Variants in LRRN1 observed in about 807,000 individuals in gnomAD.
LRRN1 encodes leucine rich repeat neuronal 1, also known as leucine-rich repeat neuronal protein 1.
LRRN1 carries 14 observed loss-of-function variants against 45.8 expected under a neutral mutation model. That is an observed-to-expected ratio of 0.31 (90% confidence interval 0.20 to 0.48). The LOEUF is 0.48. Ranked by LOEUF, LRRN1 falls within the 20% of genes least tolerant of loss-of-function variation. The pLI is 0.99. For missense variants in LRRN1, 789 were observed against 874.2 expected (o/e 0.90, Z 1.23); for synonymous variants, 359 against 330.1 (o/e 1.09, Z -0.95).
At chr3:3,834,987 G>C (rs575425276) in intron 1 of LRRN1, among the ~76,000 whole-genome samples, 64 of 152,118 alleles carry the variant, frequency 4.2e-4, no homozygotes, top group Non-Finnish European at 8.1e-4. Context: ...TTGACACTGG[G>C]TATTAACCAT....
intron 1 of LRRN1, among the ~76,000 whole-genome samples, chr3:3,841,763 C>T (rs906062222): frequency 1.3e-5 from 2 of 152,158 alleles, no homozygotes; most frequent in African/African-American, 4.8e-5. Context: ...ATGATCTGCC[C>T]CCTGCCAGCC....
At chr3:3,821,049 T>G (rs1693092226) in intron 1 of LRRN1, among the ~76,000 whole-genome samples, 1 of 152,132 alleles carries the variant, frequency 6.6e-6, no homozygotes, top group Non-Finnish European at 1.5e-5. Flanking sequence ...TCTGGTGCTT[T>G]AAAAAATATA....
chr3:3,814,420 C>A (rs1049749199), intron 1 of LRRN1, among the ~76,000 whole-genome samples: 8 of 151,900 alleles, frequency 5.3e-5, no homozygotes, highest in African/African-American at 1.9e-4. Flanking sequence ...CCCTTGCCAT[C>A]TGGCTTCTTG....
chr3:3,835,050 T>A (rs1203660058), intron 1 of LRRN1, among the ~76,000 whole-genome samples: 1 of 152,184 alleles, frequency 6.6e-6, no homozygotes, highest in East Asian at 1.9e-4. Context: ...TTTGTTATCA[T>A]AATTTACATG....
At chr3:3,806,893 C>T (rs1692773177) in intron 1 of LRRN1, among the ~76,000 whole-genome samples, 1 of 152,122 alleles carries the variant, frequency 6.6e-6, no homozygotes, top group African/African-American at 2.4e-5. Flanking sequence ...CTCCTCTTCC[C>T]AGCACAAGTT....
At chr3:3,818,026 A>T (rs539306897) in intron 1 of LRRN1, among the ~76,000 whole-genome samples, 3 of 152,124 alleles carry the variant, frequency 2.0e-5, no homozygotes, top group African/African-American at 7.2e-5. Flanking sequence ...TGACGAGTCT[A>T]TTTTTTCACT....
intron 1 of LRRN1, among the ~76,000 whole-genome samples, chr3:3,832,411 G>A (rs1294973920): frequency 6.6e-6 from 1 of 152,108 alleles, no homozygotes; most frequent in East Asian, 1.9e-4. Flanking sequence ...GCATGAGTCA[G>A]GGGACCCACT....
At chr3:3,838,775 G>A (rs1346395228) in intron 1 of LRRN1, among the ~76,000 whole-genome samples, 2 of 152,074 alleles carry the variant, frequency 1.3e-5, no homozygotes, top group African/African-American at 4.8e-5. Flanking sequence ...CTTATGATTA[G>A]TGATATGGAG....
At chr3:3,840,295 G>A (rs979173023) in intron 1 of LRRN1, among the ~76,000 whole-genome samples, 2 of 152,106 alleles carry the variant, frequency 1.3e-5, no homozygotes, top group Non-Finnish European at 2.9e-5. Flanking sequence ...TTTCACATAT[G>A]GAACCTTCCT....
intron 1 of LRRN1, among the ~76,000 whole-genome samples, chr3:3,837,384 C>A (rs1693545154): frequency 6.6e-6 from 1 of 152,056 alleles, no homozygotes; most frequent in Non-Finnish European, 1.5e-5. Context: ...TTAAGGACCA[C>A]AACCAACCCC....
At position 3,845,047 on chromosome 3, in the gene LRRN1, G is replaced by C; in HGVS notation, c.406G>C (p.Asp136His). 1 of 1,614,144 alleles carries C rather than the reference G, an allele frequency of 6.2e-7. No individual in the cohort carries two copies. Among genetic ancestry groups the C allele is most frequent in the Non-Finnish European group, 8.5e-7 (1 of 1,180,024 alleles). Reference sequence around the variant, plus strand: ...GGAAAATCAGATTACCGAGATGACTGATTACTGTCTACAAGACCTCAGCAA... The same window carrying C: ...GGAAAATCAGATTACCGAGATGACTCATTACTGTCTACAAGACCTCAGCAA... Reference protein sequence around the residue: ...LEENQITEMTDYCLQDLSNLQ... With the variant: ...LEENQITEMTHYCLQDLSNLQ... Residue 136 changes from aspartate to histidine, a missense_variant, in exon 2 of 2, where the codon GAT becomes CAT. Coordinates refer to ENST00000319331, the MANE Select transcript of LRRN1 (RefSeq NM_020873.7). This position sits in a 1 kb window ranked among gnomAD's most constrained non-coding sequence, Gnocchi z 6.5.
intron 1 of LRRN1, among the ~76,000 whole-genome samples, chr3:3,814,979 TATTC>T (rs1445921211): frequency 6.6e-6 from 1 of 152,162 alleles, no homozygotes; most frequent in African/African-American, 2.4e-5. Flanking sequence ...AACTTTTCTG[TATTC>T]ATTCCCTTTT....
At chr3:3,806,089 G>A (rs920537005) in intron 1 of LRRN1, among the ~76,000 whole-genome samples, 1 of 152,032 alleles carries the variant, frequency 6.6e-6, no homozygotes, top group African/African-American at 2.4e-5. Context: ...GCTGTCACAA[G>A]TGAGGGTGGG....
Position 3,821,940 on chromosome 3 carries a change from G to A in LRRN1, c.-279+22021G>A, listed in dbSNP as rs546900067. 2.6e-5 allele frequency among the ~76,000 whole-genome samples: 4 copies of A among 152,238 alleles called. No homozygotes were observed. The South Asian group carries it at 8.3e-4, about 32-fold the overall frequency. On this transcript the variant is annotated intron_variant, in intron 1 of 1. Transcript: ENST00000319331. Reference sequence around the variant, plus strand: ...CTCAGAGTGAACAAGACAGAAACGGGTTCCTCACTCCATGAGATGCACACT... The same window carrying A: ...CTCAGAGTGAACAAGACAGAAACGGATTCCTCACTCCATGAGATGCACACT...
chr3:3,824,464 C>T (rs775375734), intron 1 of LRRN1, among the ~76,000 whole-genome samples: 6 of 151,976 alleles, frequency 3.9e-5, no homozygotes, highest in Non-Finnish European at 8.8e-5. Flanking sequence ...GCTTATACAG[C>T]ACAGATCAAC....
At chr3:3,834,537 TA>T (rs1693456094) in intron 1 of LRRN1, among the ~76,000 whole-genome samples, 1 of 111,022 alleles carries the variant, frequency 9.0e-6, no homozygotes, top group Non-Finnish European at 1.9e-5. Flanking sequence ...TATATATATA[TA>T]TATATATATA....
chr3:3,847,427 G>T lies in LRRN1; in HGVS notation c.*635G>T, dbSNP rs960745405. 6.0e-6 allele frequency: 1 copy of T among 165,610 alleles called. No individual in the cohort carries two copies. Among genetic ancestry groups the T allele is most frequent in the East Asian group, 1.9e-4 (1 of 5,162 alleles). The allele number at this position is 165,610 out of a possible 1,614,324, so 10.3% of individuals were successfully genotyped here. On this transcript the variant is annotated 3_prime_UTR_variant, in exon 2 of 2. Coordinates refer to ENST00000319331, the MANE Select transcript of LRRN1 (RefSeq NM_020873.7). The stretch of plus-strand genomic sequence containing the variant: ...TAATAGTTAAAGAGGCTTAGAACAA[G>T]CTAACAGGCAATAGAAATATGTATA...
chr3:3,843,923 G>A (rs1035394768), intron 1 of LRRN1, among the ~76,000 whole-genome samples: 4 of 152,160 alleles, frequency 2.6e-5, no homozygotes, highest in South Asian at 2.1e-4. Flanking sequence ...CACTAGGAAT[G>A]AACTTTTAAT....
intron 1 of LRRN1, among the ~76,000 whole-genome samples, chr3:3,826,552 G>A (rs1326885009): frequency 1.3e-5 from 2 of 152,048 alleles, no homozygotes; most frequent in Non-Finnish European, 2.9e-5. Flanking sequence ...ATGCAAAAGA[G>A]CCTCAGGAAG....
Sources: allele counts gnomAD v4.1 joint callset (sites outside exome capture counted in the v4.1 genomes callset), GRCh38; gene constraint gnomAD v4.1.1; non-coding constraint Gnocchi (gnomAD v3.1); transcripts MANE v1.5; gene names NCBI Gene and HGNC (gene_info 2026-07-23, HGNC 2026-07-21).